The following GOLGA4 variants were observed in gnomAD, a reference collection of about 807,000 sequenced individuals.
The protein encoded by GOLGA4 is golgin subfamily A member 4.
GOLGA4 carries 169 observed loss-of-function variants against 265.9 expected under a neutral mutation model. The observed-to-expected ratio is 0.64, with a 90% CI of 0.56 to 0.72. GOLGA4 has a LOEUF of 0.72. Ranked by LOEUF, GOLGA4 falls within the 30% of genes least tolerant of loss-of-function variation. GOLGA4 has a pLI of 0.00. For synonymous variants in GOLGA4, 923 were observed against 855.8 expected (o/e 1.08, Z -1.37); for missense variants, 2,482 against 2,483.4 (o/e 1.00, Z 0.01).
intron 2 of GOLGA4, among the ~76,000 whole-genome samples, chr3:37,279,371 TAAG>T (rs1166243785): frequency 6.6e-6 from 1 of 152,184 alleles, no homozygotes; most frequent in Non-Finnish European, 1.5e-5. Context: ...TCAGTGTTCC[TAAG>T]AGAAGAAAGC....
chr3:37,314,598 A>G lies in GOLGA4; in HGVS notation c.1235-822A>G, dbSNP rs142412719. ...AGAGGTTGCAGTGAGCTGAGATCGC[A>G]CCACTGCACTCCATCCTGGGTGACG... On this transcript the variant is annotated intron_variant, in intron 10 of 23. Transcript: ENST00000361924. Among the ~76,000 whole-genome samples, 908 of 150,728 alleles carry G rather than the reference A, an allele frequency of 6.0e-3. 12 individuals are homozygous for G. Among genetic ancestry groups the G allele is most frequent in the African/African-American group, 0.021 (873 of 40,920 alleles).
At chr3:37,269,924 C>T (rs552138129) in intron 2 of GOLGA4, among the ~76,000 whole-genome samples, 64 of 123,388 alleles carry the variant, frequency 5.2e-4, no homozygotes, top group Non-Finnish European at 8.1e-4. Context: ...GGCAGAGTCT[C>T]GCTCTGTCAC....
intron 2 of GOLGA4, among the ~76,000 whole-genome samples, chr3:37,263,778 T>C (rs1254336015): frequency 6.6e-6 from 1 of 152,218 alleles, no homozygotes; most frequent in Non-Finnish European, 1.5e-5. Flanking sequence ...ATAGTCTTCA[T>C]GAATGTTCAG....
chr3:37,257,363 G>T (rs2096751715), intron 2 of GOLGA4, among the ~76,000 whole-genome samples: 1 of 152,084 alleles, frequency 6.6e-6, no homozygotes, highest in African/African-American at 2.4e-5. Flanking sequence ...ATGGTTTTTG[G>T]TGTTACCTGG....
In GOLGA4 at chr3:37,279,147, C is replaced by A. The variant is rs1004149855; in HGVS notation, c.163-2811C>A. On this transcript the variant is annotated intron_variant, in intron 2 of 23. Coordinates refer to ENST00000361924, the MANE Select transcript of GOLGA4 (RefSeq NM_002078.5). ...GTTGAAGACATGGTAAAAAGCACAT[C>A]CTAGAGTTCTTAAAACATAGCAGCC... 1.1e-4 allele frequency among the ~76,000 whole-genome samples: 16 copies of A among 152,134 alleles called. 1 individual carries two copies. The highest frequency in any genetic ancestry group is 1.0e-3 in the Admixed American group (16 of 15,272).
chr3:37,254,332 ATCATT>A (rs1345573047), intron 2 of GOLGA4, among the ~76,000 whole-genome samples: 3 of 152,208 alleles, frequency 2.0e-5, no homozygotes, highest in African/African-American at 7.2e-5. Flanking sequence ...ACTTTATCAG[ATCATT>A]TCAGTATATG....
chr3:37,260,057 A>C (rs972827601), intron 2 of GOLGA4, among the ~76,000 whole-genome samples: 20 of 151,760 alleles, frequency 1.3e-4, no homozygotes, highest in African/African-American at 3.4e-4. Context: ...TACTTTTTAC[A>C]GGGGTGTCTA....
At chr3:37,291,193 A>G (rs2096863723) in intron 5 of GOLGA4, among the ~76,000 whole-genome samples, 1 of 152,168 alleles carries the variant, frequency 6.6e-6, no homozygotes, top group African/African-American at 2.4e-5. Flanking sequence ...AAACATTCGC[A>G]TTATTTAAAT....
At chr3:37,266,900 T>A in intron 2 of GOLGA4, 1 of 1,288,552 alleles carries the variant, frequency 7.8e-7, no homozygotes, top group Non-Finnish European at 1.0e-6. Flanking sequence ...ATCTTTGCTT[T>A]GGATTCCTCC....
intron 16 of GOLGA4, among the ~76,000 whole-genome samples, chr3:37,333,301 C>G (rs181205959): frequency 6.6e-6 from 1 of 152,110 alleles, no homozygotes; most frequent in Non-Finnish European, 1.5e-5. Flanking sequence ...AACTAGTCTT[C>G]AAAACATAAC....
At chr3:37,284,548 G>A (rs1578496045) in intron 3 of GOLGA4, among the ~76,000 whole-genome samples, 1 of 151,980 alleles carries the variant, frequency 6.6e-6, no homozygotes, top group African/African-American at 2.4e-5. Flanking sequence ...CACCACACCC[G>A]GCTGTGAACA....
At position 37,243,419 on chromosome 3, in the gene GOLGA4, A is replaced by C. The variant is rs975874893; in HGVS notation, c.-132A>C. 1.2e-5 allele frequency: 9 copies of C among 758,868 alleles called. No homozygotes were observed. Among genetic ancestry groups the C allele is most frequent in the Admixed American group, 9.0e-5 (4 of 44,592 alleles). The allele number at this position is 758,868 out of a possible 1,614,324, so 47.0% of individuals were successfully genotyped here. On this transcript the variant is annotated 5_prime_UTR_variant, in exon 1 of 24. Transcript: ENST00000361924. The stretch of plus-strand genomic sequence containing the variant: ...GTGTCCGGACTTGCCCACAGCCTCA[A>C]GGAGGAGACGGCGAGGCCCGGCCCC...
At chr3:37,266,844 A>T in intron 2 of GOLGA4, 1 of 1,266,574 alleles carries the variant, frequency 7.9e-7, no homozygotes, top group Non-Finnish European at 1.0e-6. Flanking sequence ...TGAGACAGCT[A>T]CTAGCCGGGA....
chr3:37,328,266 A>ACACACACACACT (rs1326253456), intron 14 of GOLGA4, 150 bp from the exon 15 acceptor site: 331 of 678,126 alleles, frequency 4.9e-4, no homozygotes, highest in Non-Finnish European at 7.7e-4. Context: ...ACACACACAC[A>ACACACACACACT]CACTCACTCT....
At chr3:37,271,665 AC>A (rs151178132) in intron 2 of GOLGA4, among the ~76,000 whole-genome samples, 2,278 of 151,936 alleles carry the variant, frequency 0.015, 53 homozygotes, top group African/African-American at 0.052. Context: ...CCCCACTCCC[AC>A]CCCATTGGAT....
chr3:37,293,460 A>T (rs2096870167), intron 5 of GOLGA4, among the ~76,000 whole-genome samples: 1 of 152,248 alleles, frequency 6.6e-6, no homozygotes, highest in South Asian at 2.1e-4. Flanking sequence ...AGTTGTGGTA[A>T]AAGATAGGAT....
At chr3:37,329,592 A>G (rs1205853476) in intron 16 of GOLGA4, among the ~76,000 whole-genome samples, 1 of 152,228 alleles carries the variant, frequency 6.6e-6, no homozygotes, top group African/African-American at 2.4e-5. Context: ...AAGCTGGGAA[A>G]AAATGGAATG....
chr3:37,345,562 T>C (rs902428479), intron 20 of GOLGA4, among the ~76,000 whole-genome samples: 1 of 152,248 alleles, frequency 6.6e-6, no homozygotes, highest in African/African-American at 2.4e-5. Flanking sequence ...GAACAATAGC[T>C]AATTTCCTCG....
intron 2 of GOLGA4, among the ~76,000 whole-genome samples, chr3:37,256,169 T>A (rs1402827995): frequency 6.6e-6 from 1 of 152,214 alleles, no homozygotes; most frequent in East Asian, 1.9e-4. Flanking sequence ...TGGGTCCATA[T>A]GTCCATATTT....
Sources: allele counts gnomAD v4.1 joint callset (sites outside exome capture counted in the v4.1 genomes callset), GRCh38; gene constraint gnomAD v4.1.1; transcripts MANE v1.5; gene names NCBI Gene and HGNC (gene_info 2026-07-23, HGNC 2026-07-21).